PCDHA6: variants seen among roughly 807,000 people sequenced by gnomAD.
PCDHA6 encodes protocadherin alpha 6.
In PCDHA6, 55 loss-of-function variants were observed where a neutral mutation model predicts 60.3. The observed-to-expected ratio is 0.91, with a 90% CI of 0.73 to 1.14. PCDHA6 has a LOEUF of 1.14. Ranked by LOEUF, PCDHA6 falls within the 50% of genes most tolerant of loss-of-function variation. The probability of loss-of-function intolerance (pLI) is 0.00; values close to 1 mark genes in which losing one functional copy is unlikely to be tolerated. For synonymous variants in PCDHA6, 652 were observed against 557.9 expected, an observed-to-expected ratio of 1.17 and a Z score of -2.38; for missense variants, 1,327 against 1,256.5, an observed-to-expected ratio of 1.06 and a Z score of -0.85.
At chr5:140,894,503 T>C (rs934592222) in intron 1 of PCDHA6, among the ~76,000 whole-genome samples, 1 of 152,016 alleles carries the variant, frequency 6.6e-6, no homozygotes. Context: ...TTAGGCATTA[T>C]CCATAGTGTT....
intron 1 of PCDHA6, chr5:140,850,432 G>A: frequency 6.3e-7 from 1 of 1,597,826 alleles, no homozygotes; most frequent in Non-Finnish European, 8.6e-7. Context: ...CCGCGCCAGC[G>A]CCTACTGGTG....
intron 1 of PCDHA6, among the ~76,000 whole-genome samples, chr5:140,893,814 T>C (rs1254433414): frequency 6.6e-6 from 1 of 152,204 alleles, no homozygotes; most frequent in Non-Finnish European, 1.5e-5. Flanking sequence ...TTGAGTCTGG[T>C]ACCGTAGACT....
intron 1 of PCDHA6, chr5:140,834,227 A>G: frequency 1.4e-6 from 1 of 708,706 alleles, no homozygotes; most frequent in Non-Finnish European, 2.3e-6. Context: ...AGCAAAAGGA[A>G]GTCATTCCTT....
chr5:140,971,019 G>A (rs908442935), intron 1 of PCDHA6, among the ~76,000 whole-genome samples: 2 of 152,174 alleles, frequency 1.3e-5, no homozygotes, highest in African/African-American at 2.4e-5. Flanking sequence ...TCTTTAGATC[G>A]TAGCATTTGA....
intron 1 of PCDHA6, among the ~76,000 whole-genome samples, chr5:140,922,582 G>T (rs548638056): frequency 6.6e-5 from 10 of 152,160 alleles, no homozygotes; most frequent in Non-Finnish European, 1.5e-4. Flanking sequence ...CCCTGTAGCC[G>T]CCAGTTCTCA....
At chr5:140,848,357 T>G in intron 1 of PCDHA6, 2 of 1,035,378 alleles carry the variant, frequency 1.9e-6, no homozygotes, top group Non-Finnish European at 2.9e-6. Flanking sequence ...CCTTTTCCCA[T>G]GGGAAAGAGG....
At chr5:140,918,155 A>T (rs1453787502) in intron 1 of PCDHA6, among the ~76,000 whole-genome samples, 1 of 152,054 alleles carries the variant, frequency 6.6e-6, no homozygotes, top group Admixed American at 6.5e-5. Flanking sequence ...GTGTATGTCT[A>T]TTGTAAATGG....
At chr5:141,000,419 ATATTTTTTT>A (rs2097927194) in intron 3 of PCDHA6, among the ~76,000 whole-genome samples, 6 of 60,996 alleles carry the variant, frequency 9.8e-5, no homozygotes, top group Non-Finnish European at 1.1e-4. Flanking sequence ...ATATATATAT[ATATTTTTTT>A]TTTTTTTTTT....
chr5:140,941,894 T>G (rs1398323055), intron 1 of PCDHA6, among the ~76,000 whole-genome samples: 2 of 152,230 alleles, frequency 1.3e-5, no homozygotes, highest in African/African-American at 4.8e-5. Context: ...AGCATCTAAG[T>G]AACATTGAAA....
intron 1 of PCDHA6, chr5:140,928,158 A>T: frequency 1.2e-6 from 2 of 1,614,066 alleles, no homozygotes; most frequent in Non-Finnish European, 1.7e-6. Flanking sequence ...ATAGTGGCTC[A>T]CCCCCACTTA....
intron 1 of PCDHA6, chr5:140,930,410 CAG>C (rs2086812971): frequency 6.7e-6 from 1 of 149,986 alleles, no homozygotes; most frequent in South Asian, 2.1e-4. Flanking sequence ...TTTTTTGAGA[CAG>C]GGGTCTCACT....
chr5:140,892,237 A>G (rs1288947116), intron 1 of PCDHA6, among the ~76,000 whole-genome samples: 13 of 152,180 alleles, frequency 8.5e-5, no homozygotes, highest in Non-Finnish European at 7.4e-5. Context: ...TTGTCTCCAC[A>G]TAAACCTGGT....
intron 1 of PCDHA6, among the ~76,000 whole-genome samples, chr5:140,977,051 G>T (rs2096743579): frequency 6.6e-6 from 1 of 152,178 alleles, no homozygotes; most frequent in South Asian, 2.1e-4. Flanking sequence ...GTTGCTGATG[G>T]ACTAGTATAG....
chr5:140,869,059 C>T (rs782790799), intron 1 of PCDHA6: 1 of 1,555,654 alleles, frequency 6.4e-7, no homozygotes, highest in East Asian at 2.2e-5. Context: ...GAATCTGGTA[C>T]TGTAAGTGTA....
chr5:140,883,263 G>T (rs562257406), intron 1 of PCDHA6: 2 of 1,613,988 alleles, frequency 1.2e-6, no homozygotes, highest in Admixed American at 1.7e-5. Flanking sequence ...CCAATGGCGG[G>T]TCATTGTACC....
At chr5:140,876,418 T>C in intron 1 of PCDHA6, 1 of 1,613,982 alleles carries the variant, frequency 6.2e-7, no homozygotes, top group Non-Finnish European at 8.5e-7. Flanking sequence ...GAATAATGCC[T>C]ATGAAATTCA....
At chr5:140,948,793 A>AT (rs1351130459) in intron 1 of PCDHA6, among the ~76,000 whole-genome samples, 1 of 150,328 alleles carries the variant, frequency 6.7e-6, no homozygotes, top group Non-Finnish European at 1.5e-5. Flanking sequence ...TTGTTGATAT[A>AT]TTTTCTATTG....
chr5:140,876,699 G>T (rs782209543), intron 1 of PCDHA6: 1 of 1,614,228 alleles, frequency 6.2e-7, no homozygotes. Context: ...CGTTGGTGCT[G>T]GACAGCGCCC....
chr5:140,977,841 A>G lies in PCDHA6; in HGVS notation c.2395-1108A>G, dbSNP rs76111417. On this transcript the variant is annotated intron_variant, in intron 1 of 3. Transcript: ENST00000529310. The stretch of plus-strand genomic sequence containing the variant: ...TTTTGAATGGTCTATTGATATTACT[A>G]TGGCTTTGTTTCTACCAAATATGGT... Among the ~76,000 whole-genome samples the G allele has an allele frequency of 8.3e-3, 1,257 of 152,348 alleles. 23 individuals carry two copies. Among genetic ancestry groups the G allele is most frequent in the African/African-American group, 0.028 (1,184 of 41,574 alleles).
Sources: gnomAD v4.1 joint callset for allele counts (sites outside exome capture counted in the v4.1 genomes callset) on GRCh38, gnomAD v4.1.1 for gene constraint, MANE v1.5 for transcripts, NCBI Gene and HGNC (gene_info 2026-07-23, HGNC 2026-07-21) for gene names.